ZNF423: variants seen among roughly 807,000 people sequenced by gnomAD.
ZNF423 encodes the protein Ebf-associated zinc finger protein.
ZNF423 carries 12 observed loss-of-function variants against 95.8 expected under a neutral mutation model. The observed-to-expected ratio is 0.13, with a 90% CI of 0.08 to 0.20. ZNF423 has a LOEUF of 0.20. Ranked by LOEUF, ZNF423 falls within the 10% of genes least tolerant of loss-of-function variation. The pLI, the probability that ZNF423 is intolerant of heterozygous loss-of-function variation, is 1.00. For missense variants in ZNF423, 1,316 were observed against 1,737.1 expected, an observed-to-expected ratio of 0.76 and a Z score of 4.31; for synonymous variants, 749 against 711.9, an observed-to-expected ratio of 1.05 and a Z score of -0.83.
chr16:49,494,360 A>G (rs1967078069), intron 7 of ZNF423, among the ~76,000 whole-genome samples: 1 of 152,180 alleles, frequency 6.6e-6, no homozygotes, highest in Non-Finnish European at 1.5e-5. Context: ...AGCAGATGGA[A>G]ATGTCAAAAC....
At chr16:49,545,384 C>T (rs984007879) in intron 5 of ZNF423, among the ~76,000 whole-genome samples, 5 of 152,188 alleles carry the variant, frequency 3.3e-5, no homozygotes, top group African/African-American at 1.2e-4. Context: ...AGGCGCCGGG[C>T]AGGCTTGACA....
chr16:49,511,249 C>T (rs1967884927), intron 7 of ZNF423, among the ~76,000 whole-genome samples: 4 of 152,230 alleles, frequency 2.6e-5, no homozygotes, highest in Non-Finnish European at 5.9e-5. Flanking sequence ...CAGTATCATG[C>T]CCCGGGAGCT....
At chr16:49,671,179 G>T (rs1322168023) in intron 3 of ZNF423, among the ~76,000 whole-genome samples, 2 of 152,212 alleles carry the variant, frequency 1.3e-5, no homozygotes, top group African/African-American at 2.4e-5. Context: ...CACCCAGGGG[G>T]CACAGAAGAA....
chr16:49,741,802 G>A (rs1302832861), intron 2 of ZNF423, among the ~76,000 whole-genome samples: 1 of 152,224 alleles, frequency 6.6e-6, no homozygotes, highest in Non-Finnish European at 1.5e-5. Context: ...TAGAGATTCA[G>A]GAACTGAGTT....
chr16:49,751,030 A>T (rs1399296709), intron 2 of ZNF423, among the ~76,000 whole-genome samples: 1 of 152,206 alleles, frequency 6.6e-6, no homozygotes, highest in Non-Finnish European at 1.5e-5. Context: ...GGCCCAGGAC[A>T]CGCCATCAAA....
intron 3 of ZNF423, among the ~76,000 whole-genome samples, chr16:49,722,947 G>T (rs553169231): frequency 9.9e-4 from 146 of 147,314 alleles, no homozygotes; most frequent in Middle Eastern, 3.6e-3. Flanking sequence ...TATAAACGGG[G>T]TTCTAATTTT....
chr16:49,788,677 T>C (rs532428344), intron 2 of ZNF423, among the ~76,000 whole-genome samples: 1 of 152,238 alleles, frequency 6.6e-6, no homozygotes, highest in Admixed American at 6.5e-5. Flanking sequence ...CAGAAAAAGC[T>C]GGTCAGGATC....
At chr16:49,629,129 T>A (rs2151870598) in intron 4 of ZNF423, among the ~76,000 whole-genome samples, 1 of 152,324 alleles carries the variant, frequency 6.6e-6, no homozygotes, top group East Asian at 1.9e-4. Flanking sequence ...TCTCAGCTCC[T>A]ACTTCCCTCT....
intron 3 of ZNF423, among the ~76,000 whole-genome samples, chr16:49,641,351 C>A (rs1972969723): frequency 6.6e-6 from 1 of 152,212 alleles, no homozygotes; most frequent in South Asian, 2.1e-4. Context: ...ACGTGTAAAG[C>A]CTCCAGGGTC....
intron 3 of ZNF423, among the ~76,000 whole-genome samples, chr16:49,688,672 C>T (rs541269009): frequency 6.6e-6 from 1 of 152,218 alleles, no homozygotes; most frequent in African/African-American, 2.4e-5. Flanking sequence ...AGCACTCATG[C>T]TCTTAAAACA....
At chr16:49,798,980 C>T (rs762560687) in intron 1 of ZNF423, among the ~76,000 whole-genome samples, 1 of 152,110 alleles carries the variant, frequency 6.6e-6, no homozygotes, top group East Asian at 1.9e-4. Flanking sequence ...GAAAAGTGAC[C>T]CTTGCAGAAG....
intron 3 of ZNF423, among the ~76,000 whole-genome samples, chr16:49,650,227 T>C (rs1445771293): frequency 1.3e-5 from 2 of 152,170 alleles, no homozygotes; most frequent in African/African-American, 2.4e-5. Flanking sequence ...ACTCAGTCAA[T>C]TGCAGGGAGA....
At position 49,670,582 on chromosome 16, in the gene ZNF423, G is replaced by C. The variant is rs144571501; in HGVS notation, c.302-31708C>G. Among the ~76,000 whole-genome samples the C allele has an allele frequency of 4.7e-3, 712 of 152,198 alleles. 4 individuals are homozygous for C. The highest frequency in any genetic ancestry group is 0.017 in the African/African-American group (690 of 41,538). On this transcript the variant is annotated intron_variant, in intron 3 of 7. Transcript: ENST00000563137. ...AAGGAATAGGCAGAGGAGGAGTTGGGGCTGCATTCTAGTCCTGCCCACTTT... is the reference window on the plus strand; with the variant it reads ...AAGGAATAGGCAGAGGAGGAGTTGGCGCTGCATTCTAGTCCTGCCCACTTT...
At chr16:49,719,170 G>C (rs901457112) in intron 3 of ZNF423, among the ~76,000 whole-genome samples, 9 of 152,160 alleles carry the variant, frequency 5.9e-5, no homozygotes, top group Non-Finnish European at 1.5e-5. Context: ...GGCCTCTCTG[G>C]GGGGCTCTGG....
chr16:49,692,075 G>C (rs189973551), intron 3 of ZNF423, among the ~76,000 whole-genome samples: 3 of 152,180 alleles, frequency 2.0e-5, no homozygotes, highest in Middle Eastern at 3.4e-3. Context: ...TCAGCCGCCA[G>C]AGTAGCTGGG....
At chr16:49,681,663 G>A (rs188828612) in intron 3 of ZNF423, among the ~76,000 whole-genome samples, 10 of 152,358 alleles carry the variant, frequency 6.6e-5, no homozygotes, top group South Asian at 2.1e-4. Flanking sequence ...GCCCACAGGC[G>A]TGCCCACCCC....
chr16:49,846,690 G>C (rs912392719), intron 1 of ZNF423, among the ~76,000 whole-genome samples: 1 of 152,114 alleles, frequency 6.6e-6, no homozygotes, highest in Non-Finnish European at 1.5e-5. Flanking sequence ...CCCCACTTCA[G>C]GGCACCTGCT....
chr16:49,592,312 A>G (rs1971034011), intron 5 of ZNF423, among the ~76,000 whole-genome samples: 1 of 152,164 alleles, frequency 6.6e-6, no homozygotes, highest in Admixed American at 6.5e-5. Context: ...TCTTGTAAGG[A>G]AAGTGTATTA....
chr16:49,500,974 C>A (rs144180551), intron 7 of ZNF423, among the ~76,000 whole-genome samples: 309 of 152,146 alleles, frequency 2.0e-3, no homozygotes, highest in Non-Finnish European at 3.4e-3. Context: ...ATATCTGTTG[C>A]TCTTAGTGTG....
Sources: allele counts gnomAD v4.1 joint callset (sites outside exome capture counted in the v4.1 genomes callset), GRCh38; gene constraint gnomAD v4.1.1; transcripts MANE v1.5; gene names NCBI Gene and HGNC (gene_info 2026-07-23, HGNC 2026-07-21).